The following STK33 variants were observed in gnomAD, a reference collection of about 807,000 sequenced individuals.
The protein encoded by STK33 is serine/threonine-protein kinase 33.
STK33 carries 52 observed loss-of-function variants against 58.0 expected under a neutral mutation model. That is an observed-to-expected ratio of 0.90 (90% CI 0.72 to 1.13). The LOEUF is 1.13. STK33 is among the 50% of genes most tolerant of loss of function. The pLI is 0.00. For synonymous variants in STK33, 215 were observed against 200.1 expected (o/e 1.07, Z -0.63); for missense variants, 630 against 604.2 (o/e 1.04, Z -0.45).
chr11:8,422,410 G>C (rs1942055519), intron 14 of STK33, among the ~76,000 whole-genome samples: 1 of 152,128 alleles, frequency 6.6e-6, no homozygotes, highest in African/African-American at 2.4e-5. Context: ...GAAATGGATA[G>C]TTTTCCTTTG....
rs796929923 is a variant in STK33, at chr11:8,555,695, TAAAG to T, written c.-466+38384_-466+38387del. Among the ~76,000 whole-genome samples, 325 of 151,696 alleles carry T rather than the reference TAAAG, an allele frequency of 2.1e-3. 2 individuals are homozygous for T. The highest frequency in any genetic ancestry group is 7.3e-3 in the African/African-American group (304 of 41,386). On this transcript the variant is annotated intron_variant, in intron 1 of 15. Transcript: ENST00000687296. ...AAAATAAAAATAAAAATAACAATAATAAAGAAAGTAAATTTTAATTATCTTACCA... is the reference window on the plus strand; with the variant it reads ...AAAATAAAAATAAAAATAACAATAATAAAGTAAATTTTAATTATCTTACCA...
At chr11:8,549,744 T>C (rs748565513) in intron 1 of STK33, among the ~76,000 whole-genome samples, 1 of 152,184 alleles carries the variant, frequency 6.6e-6, no homozygotes, top group Admixed American at 6.5e-5. Flanking sequence ...TCATTTCGTC[T>C]AAGTTTTTCA....
chr11:8,429,457 A>C (rs1482966586), intron 14 of STK33, among the ~76,000 whole-genome samples: 1 of 152,160 alleles, frequency 6.6e-6, no homozygotes, highest in Non-Finnish European at 1.5e-5. Flanking sequence ...CCTAAGAAGC[A>C]GTTTTGATTG....
intron 12 of STK33, among the ~76,000 whole-genome samples, chr11:8,439,132 G>A (rs1944412379): frequency 6.6e-6 from 1 of 152,122 alleles, no homozygotes; most frequent in Admixed American, 6.5e-5. Context: ...TCAGCAAGAG[G>A]CAGAACAATG....
intron 1 of STK33, among the ~76,000 whole-genome samples, chr11:8,499,208 T>C (rs999659770): frequency 6.6e-6 from 1 of 152,094 alleles, no homozygotes; most frequent in African/African-American, 2.4e-5. Context: ...ATATCTAGAA[T>C]CTACAAAGAA....
In STK33 at chr11:8,477,247, T is replaced by C. The variant is rs1455423302; in HGVS notation, c.-227+3A>G. On this transcript the variant is annotated splice_donor_region_variant and intron_variant, in intron 3 of 15. Transcript: ENST00000687296. ...AGCAAGACAAAGAAAATTCAGAATG[T>C]ACCTGTATCACTTTCCAAAATGATT... The C allele has an allele frequency of 6.6e-6, 1 of 152,056 alleles. No homozygotes were observed. The highest frequency in any genetic ancestry group is 1.5e-5 in the Non-Finnish European group (1 of 68,000). The allele number at this position is 152,056 out of a possible 1,614,324, so 9.4% of individuals were successfully genotyped here. A position where few individuals can be genotyped will look rare whatever the true frequency, so the allele number is the denominator to read the frequency against.
intron 11 of STK33, among the ~76,000 whole-genome samples, chr11:8,450,054 A>G (rs1229460660): frequency 6.6e-6 from 1 of 152,184 alleles, no homozygotes; most frequent in Non-Finnish European, 1.5e-5. Flanking sequence ...ATTACTGCGT[A>G]TATATATACC....
chr11:8,340,006 C>T, the STK33 span, among the ~76,000 whole-genome samples: 15 of 152,268 alleles, frequency 9.9e-5, no homozygotes, highest in South Asian at 2.1e-4. Context: ...GAAGGCGCAC[C>T]GCGCGACCAG....
the STK33 span, among the ~76,000 whole-genome samples, chr11:8,355,124 C>T: frequency 6.6e-6 from 1 of 152,202 alleles, no homozygotes; most frequent in Non-Finnish European, 1.5e-5. Flanking sequence ...GAGGGTGGGG[C>T]TTTTCCCATC....
chr11:8,558,513 T>C (rs1185601350), intron 1 of STK33, among the ~76,000 whole-genome samples: 1 of 152,000 alleles, frequency 6.6e-6, no homozygotes, highest in Non-Finnish European at 1.5e-5. Context: ...GAAAAAAACC[T>C]GAAGTTTACT....
chr11:8,377,889 C>T, the STK33 span, among the ~76,000 whole-genome samples: 3 of 152,266 alleles, frequency 2.0e-5, no homozygotes, highest in East Asian at 5.8e-4. Context: ...TAGGAATATA[C>T]TTAACCAAGG....
chr11:8,413,484 AT>A lies in STK33; in HGVS notation c.1344+10del. The A allele has an allele frequency of 6.2e-7, 1 of 1,613,538 alleles. No individual in the cohort carries two copies. Among genetic ancestry groups the A allele is most frequent in the South Asian group, 1.1e-5 (1 of 91,048 alleles). ...TACACTTGGGAGAAATGCAGCAATG[AT>A]TCTTCCTACCTGTTTTTCCTCCTCT... On this transcript the variant is annotated intron_variant, in intron 15 of 15. Coordinates refer to ENST00000687296, the MANE Select transcript of STK33 (RefSeq NM_001352389.2).
intron 11 of STK33, among the ~76,000 whole-genome samples, chr11:8,444,637 ATAAT>A (rs1289204408): frequency 6.6e-6 from 1 of 152,188 alleles, no homozygotes; most frequent in Admixed American, 6.5e-5. Flanking sequence ...GAATATGAAA[ATAAT>A]AAGTAAACAT....
At chr11:8,422,893 C>T (rs1344237236) in intron 14 of STK33, among the ~76,000 whole-genome samples, 2 of 151,454 alleles carry the variant, frequency 1.3e-5, no homozygotes, top group South Asian at 2.1e-4. Flanking sequence ...AATGCAATCA[C>T]GAGTCACTGC....
chr11:8,394,123 G>A (rs997247644), intron 15 of STK33, among the ~76,000 whole-genome samples: 1 of 152,000 alleles, frequency 6.6e-6, no homozygotes, highest in African/African-American at 2.4e-5. Flanking sequence ...GGTTATTTCT[G>A]TGTGTTCTTT....
intron 1 of STK33, among the ~76,000 whole-genome samples, chr11:8,589,638 T>G (rs1028788051): frequency 4.6e-5 from 7 of 152,156 alleles, no homozygotes; most frequent in African/African-American, 1.7e-4. Flanking sequence ...AGGGTGAATT[T>G]TATGGTATGT....
At chr11:8,462,438 TATATACAC>T (rs1478630725) in intron 7 of STK33, among the ~76,000 whole-genome samples, 4 of 110,790 alleles carry the variant, frequency 3.6e-5, no homozygotes, top group East Asian at 2.3e-4. Context: ...CATATATACA[TATATACAC>T]ACACACACAC....
intron 6 of STK33, chr11:8,465,571 G>A (rs765001519): frequency 1.3e-5 from 2 of 152,100 alleles, no homozygotes; most frequent in African/African-American, 4.8e-5. Flanking sequence ...TTGGTTTTGG[G>A]GGAGTCAGTC....
intron 1 of STK33, among the ~76,000 whole-genome samples, chr11:8,538,747 G>A (rs941015848): frequency 6.6e-6 from 1 of 152,144 alleles, no homozygotes; most frequent in African/African-American, 2.4e-5. Flanking sequence ...TTGAATGAAT[G>A]AACACACACA....
Sources: allele counts gnomAD v4.1 joint callset (sites outside exome capture counted in the v4.1 genomes callset), GRCh38; gene constraint gnomAD v4.1.1; transcripts MANE v1.5; gene names NCBI Gene and HGNC (gene_info 2026-07-23, HGNC 2026-07-21).